Variants in FUBP1 observed in about 807,000 individuals in gnomAD.
FUBP1 encodes the protein far upstream element-binding protein 1.
Under a neutral mutation model 94.9 loss-of-function variants are expected in FUBP1, and 16 were observed. The observed-to-expected ratio is 0.17, with a 90% CI of 0.11 to 0.26. The LOEUF is 0.26. FUBP1 is among the 10% of genes least tolerant of loss of function. The pLI is 1.00. For synonymous variants in FUBP1, 279 were observed against 254.9 expected (o/e 1.09, Z -0.90); for missense variants, 583 against 808.6 (o/e 0.72, Z 3.38).
intron 1 of FUBP1, among the ~76,000 whole-genome samples, chr1:77,975,051 AGTT>A (rs1028585489): frequency 2.9e-4 from 44 of 152,322 alleles, no homozygotes; most frequent in Middle Eastern, 3.4e-3. Context: ...CAATGTACAT[AGTT>A]GTTGTATTGT....
At chr1:77,964,467 G>A (rs1246692143) in intron 10 of FUBP1, 111 bp from the exon 11 acceptor site, 8 of 703,890 alleles carry the variant, frequency 1.1e-5, no homozygotes, top group East Asian at 5.4e-5. Context: ...AATCATAAAA[G>A]TACATATAAT....
Position 77,945,190 on chromosome 1 carries a change from C to T in FUBP1, c.*3576G>A, listed in dbSNP as rs1651897877. Among the ~76,000 whole-genome samples the T allele has an allele frequency of 6.6e-6, 1 of 151,784 alleles. No individual in the cohort carries two copies. Among genetic ancestry groups the T allele is most frequent in the Non-Finnish European group, 1.5e-5 (1 of 67,814 alleles). On this transcript the variant is annotated 3_prime_UTR_variant, in exon 20 of 20. Transcript: ENST00000370768. The stretch of plus-strand genomic sequence containing the variant: ...GAAACAATGCCCCAATATCTATTAT[C>T]ATCAATCTATCTGTATTTTTTTTTA...
intron 1 of FUBP1, among the ~76,000 whole-genome samples, chr1:77,970,814 G>T (rs1386992569): frequency 1.3e-5 from 2 of 152,164 alleles, no homozygotes; most frequent in African/African-American, 2.4e-5. Flanking sequence ...GGAGGTGGAG[G>T]TGGGTAGATT....
chr1:77,944,875 T>C lies in FUBP1; in HGVS notation c.*3891A>G, dbSNP rs764610435. ...ATATTAAAAAATAAAACTATACTTC[T>C]CATTTCTAAAAGAAACATCAAACCA... On this transcript the variant is annotated 3_prime_UTR_variant, in exon 20 of 20. Coordinates refer to ENST00000370768, the MANE Select transcript of FUBP1 (RefSeq NM_003902.5). 2.6e-5 allele frequency among the ~76,000 whole-genome samples: 4 copies of C among 151,980 alleles called. No individual in the cohort carries two copies. Among genetic ancestry groups the C allele is most frequent in the Non-Finnish European group, 4.4e-5 (3 of 67,866 alleles).
Position 77,960,489 on chromosome 1 carries a change from C to G in FUBP1, c.1351G>C (p.Val451Leu). ...GGTACAGGTGGCCCTAAAGGATTTA[C>G]TGGGCCCTACAAAAAAAAGGATGAC... ...QLIEEKIGGP[V>L]NPLGPPVPHG... The change falls in exon 15 of 20, where the codon GTA becomes CTA. Residue 451 changes from valine (V) to leucine (L), a missense_variant. By Grantham distance (32) the Val-to-Leu change is conservative (BLOSUM62 1). Coordinates refer to ENST00000370768, the MANE Select transcript of FUBP1 (RefSeq NM_003902.5). 6.3e-7 allele frequency: 1 copy of G among 1,599,452 alleles called. No individual in the cohort carries two copies. The highest frequency in any genetic ancestry group is 8.5e-7 in the Non-Finnish European group (1 of 1,174,770).
At chr1:77,970,061 T>C in intron 1 of FUBP1, 46 bp from the exon 2 acceptor site, 1 of 940,522 alleles carries the variant, frequency 1.1e-6, no homozygotes, top group Non-Finnish European at 1.6e-6. Flanking sequence ...TTATATACTA[T>C]TCATTACTAA....
rs566018150 is a variant in FUBP1, at chr1:77,961,044, A to G, written c.1345-549T>C. Among the ~76,000 whole-genome samples, 188 of 152,342 alleles carry G rather than the reference A, an allele frequency of 1.2e-3. 1 individual carries two copies. The highest frequency in any genetic ancestry group is 4.4e-3 in the African/African-American group (181 of 41,588). On this transcript the variant is annotated intron_variant, in intron 14 of 19. Transcript: ENST00000370768. ...TGTCACTAAAATCCCATTCAGATCA[A>G]TAATTTATATCCTTTTTGGCCTTTC... is the stretch of plus-strand genomic sequence containing the variant.
chr1:77,963,422 T>C (rs1655887200), intron 13 of FUBP1, 152 bp downstream of exon 13: 1 of 513,254 alleles, frequency 1.9e-6, no homozygotes, highest in South Asian at 3.5e-5. Flanking sequence ...AGATCCCTCA[T>C]TTATGTTTTA....
intron 14 of FUBP1, 116 bp from the exon 15 acceptor site, chr1:77,960,611 G>T: frequency 1.2e-6 from 1 of 819,830 alleles, no homozygotes; most frequent in Non-Finnish European, 1.8e-6. Context: ...ACAAATTTTA[G>T]GTTTTCCTTC....
chr1:77,969,842 C>G, intron 2 of FUBP1, 83 bp downstream of exon 2: 2 of 614,170 alleles, frequency 3.3e-6, no homozygotes, highest in Non-Finnish European at 5.6e-6. Flanking sequence ...GTTAATATCT[C>G]AATAAAATAA....
intron 14 of FUBP1, 123 bp from the exon 15 acceptor site, chr1:77,960,618 C>A: frequency 1.4e-6 from 1 of 723,338 alleles, no homozygotes; most frequent in South Asian, 2.4e-5. Context: ...TTAGGTTTTC[C>A]TTCCTTTCCT....
At chr1:77,960,142 G>C (rs980157741) in intron 16 of FUBP1, 42 bp downstream of exon 16, 19 of 1,371,540 alleles carry the variant, frequency 1.4e-5, no homozygotes, top group Non-Finnish European at 2.0e-5. Context: ...AACAGGAGTG[G>C]AAAATAATAC....
Position 77,978,959 on chromosome 1 carries a change from C to A in FUBP1, c.46G>T (p.Gly16Cys), listed in dbSNP as rs1369040190. 1 of 1,613,834 alleles carries A rather than the reference C, an allele frequency of 6.2e-7. No homozygotes were observed. The highest frequency in any genetic ancestry group is 8.5e-7 in the Non-Finnish European group (1 of 1,179,826). The part of the protein sequence containing the change: ...TVPPPSSGSA[G>C]GGGGGGGGGG... ...CCACCACCGCCGCCACCACCGCCAC[C>A]AGCTGAGCCAGAAGAGGGGGGAGGC... The change falls in exon 1 of 20, where the codon GGT becomes TGT. Residue 16 changes from glycine (G) to cysteine (C), a missense_variant. Coordinates refer to ENST00000370768, the MANE Select transcript of FUBP1 (RefSeq NM_003902.5).
In FUBP1 at chr1:77,966,711, TC is replaced by T; in HGVS notation, c.455del (p.Gly152GlufsTer40). The T allele has an allele frequency of 6.4e-7, 1 of 1,551,862 alleles. No individual in the cohort carries two copies. The highest frequency in any genetic ancestry group is 2.2e-5 in the East Asian group (1 of 44,572). On this transcript the variant is annotated frameshift_variant, in exon 7 of 20. Coordinates refer to ENST00000370768, the MANE Select transcript of FUBP1 (RefSeq NM_003902.5). LOFTEE classifies it high-confidence loss of function. ...GLPERSCMLT[G>X]TPESVQSAKR... ...AAACTTACTGGACAGATTCAGGTGT[TC>T]CAGTTAACATACAGGACCTTTCTGG...
chr1:77,959,834 A>G (rs554260272), intron 16 of FUBP1, among the ~76,000 whole-genome samples: 1 of 152,344 alleles, frequency 6.6e-6, no homozygotes, highest in South Asian at 2.1e-4. Context: ...ACTTTTCTAA[A>G]TAAGTAAAAA....
chr1:77,950,036 T>C (rs1194267587), intron 18 of FUBP1, among the ~76,000 whole-genome samples: 1 of 152,186 alleles, frequency 6.6e-6, no homozygotes, highest in Non-Finnish European at 1.5e-5. Flanking sequence ...ATTAAAGAAA[T>C]ATAGCAATGA....
intron 14 of FUBP1, chr1:77,960,795 T>C (rs1333680830): frequency 7.4e-6 from 2 of 269,186 alleles, no homozygotes; most frequent in Non-Finnish European, 1.4e-5. Context: ...CCTTTCCTTT[T>C]ATCATTCTTA....
intron 1 of FUBP1, among the ~76,000 whole-genome samples, chr1:77,975,582 C>T (rs889832013): frequency 2.6e-5 from 4 of 152,172 alleles, no homozygotes; most frequent in Non-Finnish European, 5.9e-5. Context: ...AATAGTCTCG[C>T]TTAGCTAATC....
chr1:77,950,275 C>T lies in FUBP1; in HGVS notation c.1781-975G>A, dbSNP rs532903376. ...TCCCAGGGCTCAGGTGATCCTCCCACCTCAGCCTCTAGAGTAGCTGGGACT... is the reference window on the plus strand; with the variant it reads ...TCCCAGGGCTCAGGTGATCCTCCCATCTCAGCCTCTAGAGTAGCTGGGACT... On this transcript the variant is annotated intron_variant, in intron 18 of 19. Transcript: ENST00000370768. Among the ~76,000 whole-genome samples the T allele has an allele frequency of 7.9e-4, 120 of 152,300 alleles. 1 individual carries two copies. The highest frequency in any genetic ancestry group is 2.7e-3 in the African/African-American group (113 of 41,562).
Sources: allele counts gnomAD v4.1 joint callset (sites outside exome capture counted in the v4.1 genomes callset), GRCh38; gene constraint gnomAD v4.1.1; transcripts MANE v1.5; gene names NCBI Gene and HGNC (gene_info 2026-07-23, HGNC 2026-07-21).